Variants in MED13L observed in about 807,000 individuals in gnomAD.
The protein encoded by MED13L is mediator complex subunit 13L, also known as mediator of RNA polymerase II transcription subunit 13-like.
In MED13L, 7 loss-of-function variants were observed where a neutral mutation model predicts 220.9. That is an observed-to-expected ratio of 0.03 (90% CI 0.02 to 0.06). MED13L has a LOEUF of 0.06. MED13L is among the 10% of genes least tolerant of loss of function. MED13L has a pLI of 1.00. For synonymous variants in MED13L, 1,011 were observed against 1,015.2 expected (o/e 1.00, Z 0.08); for missense variants, 1,965 against 2,760.5 (o/e 0.71, Z 6.46).
At chr12:116,220,835 TTA>T (rs1883266199) in intron 2 of MED13L, among the ~76,000 whole-genome samples, 2 of 152,216 alleles carry the variant, frequency 1.3e-5, no homozygotes, top group African/African-American at 4.8e-5. Context: ...GGCATAATAC[TTA>T]GTCTTATGAA....
chr12:115,990,977 C>T, intron 17 of MED13L, 43 bp downstream of exon 17: 1 of 1,590,992 alleles, frequency 6.3e-7, no homozygotes, highest in Non-Finnish European at 8.6e-7. Flanking sequence ...TATGATCATA[C>T]CAAGATACTC....
At chr12:115,964,203 T>C (rs1317771701) in intron 29 of MED13L, among the ~76,000 whole-genome samples, 1 of 152,198 alleles carries the variant, frequency 6.6e-6, no homozygotes, top group Non-Finnish European at 1.5e-5. Context: ...CCTTTAAACA[T>C]AACAGTAATT....
intron 4 of MED13L, among the ~76,000 whole-genome samples, chr12:116,091,305 T>C (rs1423413564): frequency 1.3e-5 from 2 of 152,124 alleles, no homozygotes; most frequent in East Asian, 1.9e-4. Flanking sequence ...ATATACTGTT[T>C]AGACCACTAA....
Position 116,090,587 on chromosome 12 carries a change from C to T in MED13L, c.479+6082G>A, listed in dbSNP as rs544290178. Among the ~76,000 whole-genome samples, 4 of 152,288 alleles carry T rather than the reference C, an allele frequency of 2.6e-5. No homozygotes were observed. In the South Asian group the frequency reaches 8.3e-4, roughly 32 times the overall value. On this transcript the variant is annotated intron_variant, in intron 4 of 30. Transcript: ENST00000281928. Reference sequence around the variant, plus strand: ...TGTCCAGACTTCACCAACTTCACTTCACTTAGAGAATCAGAGAATCAGAAA... The same window carrying T: ...TGTCCAGACTTCACCAACTTCACTTTACTTAGAGAATCAGAGAATCAGAAA...
chr12:115,991,369 C>T lies in MED13L; in HGVS notation c.3585G>A (p.Gln1195=). 1 of 1,614,002 alleles carries T rather than the reference C, an allele frequency of 6.2e-7. No homozygotes were observed. The highest frequency in any genetic ancestry group is 1.1e-5 in the South Asian group (1 of 91,070). The change falls in exon 17 of 31, where the codon CAG becomes CAA. Residue 1195 remains glutamine (Q), a synonymous_variant. Coordinates refer to ENST00000281928, the MANE Select transcript of MED13L (RefSeq NM_015335.5). The surrounding 1 kb of genome is among the most constrained non-coding windows in gnomAD (Gnocchi z 7.7). ...DIFGKNSDIG[Q]AAERRLMMCQ... ...ACATCATTAAGCGCCTCTCTGCAGC[C>T]TGACCAATATCAGAATTCTTCCCAA... is the stretch of plus-strand genomic sequence containing the variant.
chr12:116,119,456 T>C (rs1056714988), intron 2 of MED13L, among the ~76,000 whole-genome samples: 2 of 152,114 alleles, frequency 1.3e-5, no homozygotes, highest in Admixed American at 1.3e-4. Context: ...GGATACCCAA[T>C]ATTCTTTTAA....
At chr12:116,154,710 T>G (rs1878293632) in intron 2 of MED13L, among the ~76,000 whole-genome samples, 1 of 152,222 alleles carries the variant, frequency 6.6e-6, no homozygotes, top group Non-Finnish European at 1.5e-5. Context: ...AACTTTTACT[T>G]TTTAAAATCT....
At chr12:116,172,567 G>A (rs567830420) in intron 2 of MED13L, among the ~76,000 whole-genome samples, 5 of 152,182 alleles carry the variant, frequency 3.3e-5, no homozygotes, top group South Asian at 2.1e-4. Flanking sequence ...TTACTTCATC[G>A]GGAATGCTAA....
At chr12:116,277,017 C>CCG (rs1555230109) in intron 1 of MED13L, 43 bp downstream of exon 1, 1 of 1,399,198 alleles carries the variant, frequency 7.1e-7, no homozygotes, top group South Asian at 1.2e-5. Flanking sequence ...GGGACCCCCC[C>CCG]CCTTCCCCGG....
At chr12:116,089,353 C>T (rs997313009) in intron 4 of MED13L, among the ~76,000 whole-genome samples, 2 of 152,048 alleles carry the variant, frequency 1.3e-5, no homozygotes, top group African/African-American at 2.4e-5. Flanking sequence ...CCACAGCACC[C>T]GGCGATTTTC....
chr12:116,128,043 C>T (rs780901566), intron 2 of MED13L, among the ~76,000 whole-genome samples: 4 of 152,196 alleles, frequency 2.6e-5, no homozygotes, highest in Non-Finnish European at 5.9e-5. Flanking sequence ...GCGGCATTCC[C>T]TACCTGACCC....
At chr12:116,006,532 C>A (rs1879057156) in intron 11 of MED13L, 121 bp from the exon 12 acceptor site, 6 of 816,304 alleles carry the variant, frequency 7.4e-6, no homozygotes, top group South Asian at 1.4e-5. Flanking sequence ...GTATGATAAA[C>A]CATGGTCTAT....
intron 4 of MED13L, among the ~76,000 whole-genome samples, chr12:116,032,813 GTC>G (rs751818921): frequency 4.5e-4 from 68 of 152,054 alleles, no homozygotes; most frequent in Non-Finnish European, 9.0e-4. Context: ...CAAACTATAA[GTC>G]TCTCTCTACA....
At chr12:116,226,286 G>A (rs1428994048) in intron 2 of MED13L, among the ~76,000 whole-genome samples, 1 of 152,094 alleles carries the variant, frequency 6.6e-6, no homozygotes, top group African/African-American at 2.4e-5. Flanking sequence ...TGCTTATTCT[G>A]TTGAACTCAC....
chr12:116,270,768 C>T (rs996136586), intron 1 of MED13L, among the ~76,000 whole-genome samples: 1 of 151,792 alleles, frequency 6.6e-6, no homozygotes, highest in Admixed American at 6.6e-5. Flanking sequence ...ATCAGCCGGG[C>T]GCGGTGGCTC....
chr12:116,063,877 T>G (rs1166845081), intron 4 of MED13L, among the ~76,000 whole-genome samples: 1 of 152,080 alleles, frequency 6.6e-6, no homozygotes, highest in Non-Finnish European at 1.5e-5. Context: ...CACAGATGCT[T>G]AAGTGCCTTA....
intron 22 of MED13L, chr12:115,982,110 T>C (rs1877370031): frequency 5.1e-6 from 2 of 393,136 alleles, no homozygotes; most frequent in Admixed American, 4.1e-5. Context: ...ACCAAAAATA[T>C]TGTATAAAAT....
chr12:116,082,863 C>T (rs1042398541), intron 4 of MED13L, among the ~76,000 whole-genome samples: 2 of 152,156 alleles, frequency 1.3e-5, no homozygotes, highest in African/African-American at 2.4e-5. Flanking sequence ...GTTCCAGCAT[C>T]TGCTTTTAAT....
At chr12:116,199,177 T>TA (rs1881843619) in intron 2 of MED13L, among the ~76,000 whole-genome samples, 1 of 152,238 alleles carries the variant, frequency 6.6e-6, no homozygotes, top group Non-Finnish European at 1.5e-5. Context: ...CCATTTTTTT[T>TA]ATCTTGTCTC....
Sources: allele counts gnomAD v4.1 joint callset (sites outside exome capture counted in the v4.1 genomes callset), GRCh38; gene constraint gnomAD v4.1.1; non-coding constraint Gnocchi (gnomAD v3.1); transcripts MANE v1.5; gene names NCBI Gene and HGNC (gene_info 2026-07-23, HGNC 2026-07-21).